ATP11A: variants seen among roughly 807,000 people sequenced by gnomAD.
The protein encoded by ATP11A is phospholipid-transporting ATPase IH.
In ATP11A, 81 loss-of-function variants were observed where a neutral mutation model predicts 154.4. The ratio of observed to expected loss-of-function variants is 0.52; its 90% CI spans 0.44 to 0.63. The LOEUF (loss-of-function observed/expected upper bound fraction) is 0.63, where lower values mean the gene tolerates loss of function less well. Among genes scored for constraint, ATP11A ranks in the 30% least tolerant of loss-of-function variants. ATP11A has a pLI of 0.00. For synonymous variants in ATP11A, 623 were observed against 585.9 expected (o/e 1.06, Z -0.91); for missense variants, 1,316 against 1,474.3 (o/e 0.89, Z 1.76).
chr13:112,738,977 T>A (rs534898569), intron 1 of ATP11A, among the ~76,000 whole-genome samples: 3 of 152,306 alleles, frequency 2.0e-5, no homozygotes, highest in African/African-American at 7.2e-5. Flanking sequence ...AGCAGAGGAC[T>A]AAGTATACTG....
At chr13:112,771,240 T>G (rs1400735264) in intron 1 of ATP11A, among the ~76,000 whole-genome samples, 5 of 152,200 alleles carry the variant, frequency 3.3e-5, no homozygotes, top group South Asian at 2.1e-4. Context: ...AGTTGGTTAT[T>G]TTGGGTAATC....
rs771443734 is a variant in ATP11A at position 112,831,412 on chromosome 13, C to T, written c.1259C>T (p.Thr420Met). ...TTCACAGACAAGACCGGCACCCTCA[C>T]GGAAAACAACATGGAGTTCAAGGAG... ...YIFTDKTGTL[T>M]ENNMEFKECC... is the part of the protein sequence containing the mutation. The change falls in exon 13 of 30, where the codon ACG becomes ATG. Residue 420 changes from threonine (T) to methionine (M), a missense_variant. Coordinates refer to ENST00000375645, the MANE Select transcript of ATP11A (RefSeq NM_015205.3). The T allele has an allele frequency of 2.5e-6, 4 of 1,614,146 alleles. No homozygotes were observed. Among genetic ancestry groups the T allele is most frequent in the South Asian group, 1.1e-5 (1 of 91,078 alleles).
intron 17 of ATP11A, among the ~76,000 whole-genome samples, chr13:112,847,289 T>C (rs1330605170): frequency 1.3e-5 from 2 of 152,232 alleles, no homozygotes; most frequent in Non-Finnish European, 2.9e-5. Context: ...AATTTCTCCT[T>C]TCGCTGGCTG....
intron 1 of ATP11A, among the ~76,000 whole-genome samples, chr13:112,710,386 T>A (rs1429740961): frequency 1.3e-5 from 2 of 152,160 alleles, no homozygotes; most frequent in African/African-American, 4.8e-5. Context: ...CCCGACAGGA[T>A]GTGACAAATG....
At chr13:112,825,088 G>A (rs1046930703) in intron 10 of ATP11A, among the ~76,000 whole-genome samples, 1 of 152,006 alleles carries the variant, frequency 6.6e-6, no homozygotes, top group African/African-American at 2.4e-5. Flanking sequence ...CTAATTTGTT[G>A]ATGCTTAATG....
chr13:112,828,020 T>G (rs2078976925), intron 12 of ATP11A, among the ~76,000 whole-genome samples: 1 of 152,278 alleles, frequency 6.6e-6, no homozygotes, highest in Admixed American at 6.5e-5. Context: ...TTTGTGAGCT[T>G]CTGATAAATT....
intron 13 of ATP11A, 25 bp downstream of exon 13, chr13:112,831,573 C>G: frequency 6.2e-7 from 1 of 1,608,290 alleles, no homozygotes; most frequent in Non-Finnish European, 8.5e-7. Flanking sequence ...CCACGCCGTC[C>G]AAGTGTGTGA....
At chr13:112,841,621 C>T (rs540814036) in intron 16 of ATP11A, among the ~76,000 whole-genome samples, 4 of 136,166 alleles carry the variant, frequency 2.9e-5, no homozygotes, top group Non-Finnish European at 4.8e-5. Context: ...GTGGCTTCGC[C>T]GTCCAGGGAT....
intron 1 of ATP11A, among the ~76,000 whole-genome samples, chr13:112,702,116 C>T (rs527639733): frequency 9.9e-5 from 15 of 152,072 alleles, no homozygotes; most frequent in Admixed American, 7.9e-4. Context: ...GAGGCCGAGG[C>T]GGGTGGATCA....
intron 1 of ATP11A, among the ~76,000 whole-genome samples, chr13:112,699,510 C>T (rs960788789): frequency 4.6e-5 from 7 of 152,214 alleles, no homozygotes; most frequent in Non-Finnish European, 8.8e-5. Context: ...TGAAGGACAT[C>T]AGCTGGCTGC....
intron 1 of ATP11A, among the ~76,000 whole-genome samples, chr13:112,714,099 C>T (rs1594382764): frequency 6.7e-6 from 1 of 149,112 alleles, no homozygotes; most frequent in Admixed American, 6.7e-5. Flanking sequence ...GTCCCAGCCT[C>T]CCTTCCACTC....
chr13:112,805,325 A>T (rs393192), intron 3 of ATP11A, among the ~76,000 whole-genome samples: 109,065 of 152,110 alleles, frequency 0.72, 40,528 homozygotes, highest in African/African-American at 0.93. Context: ...CTTTGTCATC[A>T]TTTGGACAAG....
At chr13:112,863,403 A>G (rs2080189324) in intron 25 of ATP11A, among the ~76,000 whole-genome samples, 1 of 146,804 alleles carries the variant, frequency 6.8e-6, no homozygotes, top group South Asian at 2.2e-4. Context: ...GTCCATCACC[A>G]CCTGCGCAGT....
At chr13:112,792,849 G>C (rs1379063375) in intron 2 of ATP11A, among the ~76,000 whole-genome samples, 2 of 152,182 alleles carry the variant, frequency 1.3e-5, no homozygotes, top group Non-Finnish European at 2.9e-5. Context: ...AATTCACATG[G>C]TTCCCAGCTT....
Position 112,859,028 on chromosome 13 carries a change from C to T in ATP11A, c.2668-365C>T. 1 of 284,856 alleles carries T rather than the reference C, an allele frequency of 3.5e-6. No individual in the cohort carries two copies. The highest frequency in any genetic ancestry group is 3.5e-5 in the South Asian group (1 of 28,918). The allele number at this position is 284,856 out of a possible 1,614,324, so 17.6% of individuals were successfully genotyped here. A position where few individuals can be genotyped will look rare whatever the true frequency, so the allele number is the denominator to read the frequency against. On this transcript the variant is annotated intron_variant, in intron 22 of 29. Coordinates refer to ENST00000375645, the MANE Select transcript of ATP11A (RefSeq NM_015205.3). This position sits in a 1 kb window ranked among gnomAD's most constrained non-coding sequence, Gnocchi z 4.3. ...GGAGACCCCCAGCCCTTTTCTCCCC[C>T]CACAGAATTGAGTGTGGAACCAGTG...
At chr13:112,825,954 TG>T (rs1241355844) in intron 11 of ATP11A, among the ~76,000 whole-genome samples, 2 of 152,216 alleles carry the variant, frequency 1.3e-5, no homozygotes, top group Non-Finnish European at 2.9e-5. Flanking sequence ...CAGGGCCATG[TG>T]CAAACCGAGA....
chr13:112,714,671 C>T (rs978353853), intron 1 of ATP11A, among the ~76,000 whole-genome samples: 3 of 152,232 alleles, frequency 2.0e-5, no homozygotes, highest in African/African-American at 7.2e-5. Flanking sequence ...GGTGAAGCTT[C>T]TCGACCTTGG....
chr13:112,858,225 C>T lies in ATP11A; in HGVS notation c.2602C>T (p.Leu868=). The T allele has an allele frequency of 1.2e-6, 2 of 1,614,126 alleles. No homozygotes were observed. The highest frequency in any genetic ancestry group is 1.7e-6 in the Non-Finnish European group (2 of 1,180,014). ...IPKFKHLKKM[L]LVHGHFYYIR... Reference sequence around the variant, plus strand: ...AAAGTTTAAGCATTTGAAGAAGATGCTGCTTGTTCACGGGCATTTTTATTA... The same window carrying T: ...AAAGTTTAAGCATTTGAAGAAGATGTTGCTTGTTCACGGGCATTTTTATTA... The change falls in exon 22 of 30, where the codon CTG becomes TTG. Residue 868 remains leucine (L), a synonymous_variant. Transcript: ENST00000375645.
At chr13:112,757,993 A>G (rs917177306) in intron 1 of ATP11A, among the ~76,000 whole-genome samples, 2 of 152,248 alleles carry the variant, frequency 1.3e-5, no homozygotes, top group African/African-American at 4.8e-5. Context: ...TCCACGCCAC[A>G]TGCACGAGTG....
Sources: allele counts gnomAD v4.1 joint callset (sites outside exome capture counted in the v4.1 genomes callset), GRCh38; gene constraint gnomAD v4.1.1; non-coding constraint Gnocchi (gnomAD v3.1); transcripts MANE v1.5; gene names NCBI Gene and HGNC (gene_info 2026-07-23, HGNC 2026-07-21).